Variants in CCBE1 observed in about 807,000 individuals in gnomAD.
CCBE1 encodes collagen and calcium-binding EGF domain-containing protein 1.
A neutral mutation model predicts 50.0 loss-of-function variants in CCBE1; 37 were observed. That is an observed-to-expected ratio of 0.74 (90% confidence interval 0.57 to 0.97). The LOEUF (loss-of-function observed/expected upper bound fraction) is 0.97, where lower values mean the gene tolerates loss of function less well. CCBE1 is among the 50% of genes least tolerant of loss of function. The pLI is 0.00. For missense variants in CCBE1, 538 were observed against 523.8 expected, an observed-to-expected ratio of 1.03 and a Z score of -0.26; for synonymous variants, 234 against 203.7, an observed-to-expected ratio of 1.15 and a Z score of -1.27.
intron 2 of CCBE1, among the ~76,000 whole-genome samples, chr18:59,504,368 A>T (rs1913769485): frequency 6.8e-6 from 1 of 146,790 alleles, no homozygotes; most frequent in Admixed American, 7.0e-5. Flanking sequence ...GTAGTATCTG[A>T]TCCTAGAATG....
chr18:59,474,100 G>C lies in CCBE1; in HGVS notation c.266-4493C>G, dbSNP rs7234532. Among the ~76,000 whole-genome samples the C allele has an allele frequency of 9.4e-3, 1,427 of 152,246 alleles. 24 individuals are homozygous for C. Among genetic ancestry groups the C allele is most frequent in the African/African-American group, 0.033 (1,353 of 41,552 alleles). On this transcript the variant is annotated intron_variant, in intron 3 of 10. Transcript: ENST00000439986. The stretch of plus-strand genomic sequence containing the variant: ...TTTTTATGACTGTGTAGTATTCCAT[G>C]GTGTATATGTACCACATTTTCTTTA...
chr18:59,653,521 T>C (rs1420162821), intron 2 of CCBE1, among the ~76,000 whole-genome samples: 2 of 152,230 alleles, frequency 1.3e-5, no homozygotes, highest in Non-Finnish European at 2.9e-5. Context: ...CTTTTCACAT[T>C]GTCTGCCAAT....
At chr18:59,578,299 A>T (rs1228181001) in intron 2 of CCBE1, among the ~76,000 whole-genome samples, 1 of 152,218 alleles carries the variant, frequency 6.6e-6, no homozygotes, top group Non-Finnish European at 1.5e-5. Context: ...GTCAGGAAAC[A>T]GATGCTGGAG....
intron 2 of CCBE1, among the ~76,000 whole-genome samples, chr18:59,650,828 T>C (rs932657241): frequency 6.6e-6 from 1 of 151,526 alleles, no homozygotes; most frequent in Non-Finnish European, 1.5e-5. Flanking sequence ...AAGTTGGAAA[T>C]AGGCTTAGTC....
chr18:59,695,593 TG>T (rs2054794500), intron 2 of CCBE1, among the ~76,000 whole-genome samples: 1 of 152,254 alleles, frequency 6.6e-6, no homozygotes, highest in South Asian at 2.1e-4. Context: ...TGGAACCACT[TG>T]GTCTGAACCT....
intron 5 of CCBE1, among the ~76,000 whole-genome samples, chr18:59,456,523 G>A (rs1163879248): frequency 1.3e-5 from 2 of 152,156 alleles, no homozygotes; most frequent in Non-Finnish European, 2.9e-5. Flanking sequence ...GCCCGCTGAT[G>A]ACCAGATGCT....
At chr18:59,493,255 C>A (rs1209259656) in intron 2 of CCBE1, among the ~76,000 whole-genome samples, 1 of 152,184 alleles carries the variant, frequency 6.6e-6, no homozygotes, top group African/African-American at 2.4e-5. Flanking sequence ...TCCTCACATG[C>A]ATAAAATCCT....
chr18:59,519,500 T>G (rs1422210388), intron 2 of CCBE1, among the ~76,000 whole-genome samples: 1 of 135,768 alleles, frequency 7.4e-6, no homozygotes, highest in African/African-American at 2.6e-5. Context: ...TCCAGAGTCT[T>G]TGTTTTAAAA....
chr18:59,634,606 A>G (rs1044975914), intron 2 of CCBE1, among the ~76,000 whole-genome samples: 1 of 152,228 alleles, frequency 6.6e-6, no homozygotes, highest in African/African-American at 2.4e-5. Flanking sequence ...GAAATAGCAA[A>G]AGAGAGAAAT....
At chr18:59,558,596 C>T (rs150487136) in intron 2 of CCBE1, among the ~76,000 whole-genome samples, 18 of 152,218 alleles carry the variant, frequency 1.2e-4, no homozygotes, top group African/African-American at 4.3e-4. Context: ...AACTGCCCTG[C>T]TGATGCTGTA....
intron 7 of CCBE1, among the ~76,000 whole-genome samples, chr18:59,440,401 C>CA (rs1382781751): frequency 2.6e-5 from 4 of 152,212 alleles, no homozygotes; most frequent in Non-Finnish European, 5.9e-5. Context: ...TATAGTACTT[C>CA]ACACATAGTA....
rs201900104 is a variant in CCBE1, at chr18:59,466,814, C to G, written c.478G>C (p.Glu160Gln). ...CINTLGSYRCECREGYIREDD... is the reference protein window; with the variant it reads ...CINTLGSYRCQCREGYIREDD... ...TCCCGGATGTAGCCTTCCCGGCACT[C>G]GCAGCGGTAGCTGCCCAAGGTATTG... Residue 160 changes from glutamate to glutamine, a missense_variant, in exon 5 of 11, where the codon GAG becomes CAG. Glu to Gln is a conservative substitution (Grantham distance 29). Coordinates refer to ENST00000439986, the MANE Select transcript of CCBE1 (RefSeq NM_133459.4). 2.5e-6 allele frequency: 4 copies of G among 1,613,636 alleles called. No individual in the cohort carries two copies. Among genetic ancestry groups the G allele is most frequent in the East Asian group, 4.5e-5 (2 of 44,888 alleles).
At position 59,441,460 on chromosome 18, in the gene CCBE1, G is replaced by A. The variant is rs907755319; in HGVS notation, c.776-1644C>T. On this transcript the variant is annotated intron_variant, in intron 7 of 10. Transcript: ENST00000439986. ...GATTGTACCACTGCAGTCCAGCCTG[G>A]GTGACAAAGCGAGACTCCATCTCAA... 3.1e-4 allele frequency among the ~76,000 whole-genome samples: 46 copies of A among 150,504 alleles called. 1 individual carries two copies. Among genetic ancestry groups the A allele is most frequent in the Admixed American group, 1.0e-3 (15 of 15,062 alleles).
chr18:59,442,057 C>T (rs1910454887), intron 7 of CCBE1, among the ~76,000 whole-genome samples: 1 of 152,138 alleles, frequency 6.6e-6, no homozygotes, highest in Admixed American at 6.5e-5. Flanking sequence ...CTGAATAAAC[C>T]ATACCATAGC....
Position 59,696,423 on chromosome 18 carries a change from A to T in CCBE1, c.212+206T>A, listed in dbSNP as rs2054804342. The T allele has an allele frequency of 3.0e-6, 4 of 1,344,304 alleles. No homozygotes were observed. The South Asian group carries it at 5.8e-5, about 19-fold the overall frequency. The allele number at this position is 1,344,304 out of a possible 1,614,324, so 83.3% of individuals were successfully genotyped here. ...CTCAGGATCTCAGGGCACACACCCT[A>T]GACGCAAAGTCAGTTGCTCAGTGTT... On this transcript the variant is annotated intron_variant, in intron 2 of 10. Coordinates refer to ENST00000439986, the MANE Select transcript of CCBE1 (RefSeq NM_133459.4).
intron 2 of CCBE1, among the ~76,000 whole-genome samples, chr18:59,609,967 T>C (rs956618121): frequency 9.9e-5 from 15 of 152,212 alleles, no homozygotes; most frequent in African/African-American, 2.9e-4. Flanking sequence ...GATAGAAAAG[T>C]GAGTGTCAGT....
chr18:59,470,980 T>C (rs150947034), intron 3 of CCBE1, among the ~76,000 whole-genome samples: 2 of 152,358 alleles, frequency 1.3e-5, no homozygotes, highest in African/African-American at 4.8e-5. Context: ...CATGGTGTTC[T>C]GACCAACCCT....
intron 2 of CCBE1, among the ~76,000 whole-genome samples, chr18:59,524,187 G>A (rs983469512): frequency 6.6e-6 from 1 of 152,120 alleles, no homozygotes; most frequent in Non-Finnish European, 1.5e-5. Context: ...AGACATGGTG[G>A]TACATGCCCG....
intron 2 of CCBE1, among the ~76,000 whole-genome samples, chr18:59,525,899 G>T (rs1914799927): frequency 6.6e-6 from 1 of 152,154 alleles, no homozygotes; most frequent in African/African-American, 2.4e-5. Context: ...GATGGTTGTA[G>T]ATGTGTGGTC....
Sources: gnomAD v4.1 joint callset for allele counts (sites outside exome capture counted in the v4.1 genomes callset) on GRCh38, gnomAD v4.1.1 for gene constraint, MANE v1.5 for transcripts, NCBI Gene and HGNC (gene_info 2026-07-23, HGNC 2026-07-21) for gene names.